CDH4: variants seen among roughly 807,000 people sequenced by gnomAD.
The protein encoded by CDH4 is cadherin-4.
CDH4 carries 33 observed loss-of-function variants against 86.0 expected under a neutral mutation model. The ratio of observed to expected loss-of-function variants is 0.38; its 90% confidence interval spans 0.29 to 0.51. The LOEUF is 0.51. CDH4 is among the 20% of genes least tolerant of loss of function. The pLI, the probability that CDH4 is intolerant of heterozygous loss-of-function variation, is 0.86. For missense variants in CDH4, 1,114 were observed against 1,307.4 expected, an observed-to-expected ratio of 0.85 and a Z score of 2.28; for synonymous variants, 555 against 549.4, an observed-to-expected ratio of 1.01 and a Z score of -0.14.
In CDH4 at chr20:61,620,503, A is replaced by T. The variant is rs926730387; in HGVS notation, c.170-123060A>T. ...TAGATGGATGATGGATGGATGATAG[A>T]TGATAGATTCGTACATACATACATA... is the stretch of plus-strand genomic sequence containing the variant. On this transcript the variant is annotated intron_variant, in intron 2 of 15. Coordinates refer to ENST00000614565, the MANE Select transcript of CDH4 (RefSeq NM_001794.5). Among the ~76,000 whole-genome samples, 4 of 152,120 alleles carry T rather than the reference A, an allele frequency of 2.6e-5. No individual in the cohort carries two copies. In the East Asian group the frequency reaches 7.7e-4, roughly 29 times the overall value.
rs2085824866 is a variant in CDH4 at position 61,516,808 on chromosome 20, C to T, written c.170-226755C>T. 6.6e-6 allele frequency among the ~76,000 whole-genome samples: 1 copy of T among 152,212 alleles called. No individual in the cohort carries two copies. Among genetic ancestry groups the T allele is most frequent in the Non-Finnish European group, 1.5e-5 (1 of 68,040 alleles). ...GTTTGGCGATCACACTTGCTTTCTT[C>T]TTGGGAACCTGGGCTCGCTGTCCAC... On this transcript the variant is annotated intron_variant, in intron 2 of 15. Transcript: ENST00000614565. The surrounding 1 kb of genome is among the most constrained non-coding windows in gnomAD (Gnocchi z 4.0).
chr20:61,424,243 T>C lies in CDH4; in HGVS notation c.169+169306T>C, dbSNP rs868297046. Among the ~76,000 whole-genome samples the C allele has an allele frequency of 7.9e-5, 11 of 139,944 alleles. No homozygotes were observed. The South Asian group carries it at 1.1e-3, about 14-fold the overall frequency. The allele number at this position is 139,944 out of a possible 152,430, so 91.8% of individuals were successfully genotyped here. The stretch of plus-strand genomic sequence containing the variant: ...ACATGTATATACACATATCCACATG[T>C]ATCCACACACATATATCCACACACA... On this transcript the variant is annotated intron_variant, in intron 2 of 15. Coordinates refer to ENST00000614565, the MANE Select transcript of CDH4 (RefSeq NM_001794.5).
At chr20:61,656,949 C>T (rs2087198860) in intron 2 of CDH4, among the ~76,000 whole-genome samples, 1 of 152,168 alleles carries the variant, frequency 6.6e-6, no homozygotes. Flanking sequence ...CCAGAAACGC[C>T]CACCTGGGAT....
chr20:61,419,568 C>T lies in CDH4; in HGVS notation c.169+164631C>T, dbSNP rs59580760. On this transcript the variant is annotated intron_variant, in intron 2 of 15. Coordinates refer to ENST00000614565, the MANE Select transcript of CDH4 (RefSeq NM_001794.5). ...CGTTTGGCTTCCAGGCCAGCCACAG[C>T]GGAGTTTCCACCAGGAAGGTTCTGG... Among the ~76,000 whole-genome samples the T allele has an allele frequency of 7.4e-3, 1,123 of 152,256 alleles. 13 individuals are homozygous for T. The highest frequency in any genetic ancestry group is 0.026 in the African/African-American group (1,068 of 41,530).
intron 4 of CDH4, among the ~76,000 whole-genome samples, chr20:61,813,973 C>T (rs543185505): frequency 4.1e-4 from 63 of 152,332 alleles, no homozygotes; most frequent in African/African-American, 1.4e-3. Context: ...GGAGTCCATA[C>T]GTGTCTGGTG....
intron 2 of CDH4, among the ~76,000 whole-genome samples, chr20:61,287,762 C>A (rs1223947388): frequency 6.6e-6 from 1 of 152,156 alleles, no homozygotes; most frequent in African/African-American, 2.4e-5. Flanking sequence ...GCCAGCCACT[C>A]CCCCTAAGTG....
chr20:61,263,225 G>T (rs2123124156), intron 2 of CDH4, among the ~76,000 whole-genome samples: 1 of 152,252 alleles, frequency 6.6e-6, no homozygotes, highest in South Asian at 2.1e-4. Context: ...AAAATCCTTG[G>T]TTTTTCGTCA....
At chr20:61,431,445 G>A (rs1488034636) in intron 2 of CDH4, among the ~76,000 whole-genome samples, 1 of 145,750 alleles carries the variant, frequency 6.9e-6, no homozygotes, top group African/African-American at 2.6e-5. Flanking sequence ...CTGCAGCCTC[G>A]ACCTCCCAGT....
chr20:61,701,483 G>A (rs988771940), intron 2 of CDH4, among the ~76,000 whole-genome samples: 5 of 152,254 alleles, frequency 3.3e-5, no homozygotes, highest in African/African-American at 1.2e-4. Context: ...AGGTTTGGGT[G>A]CAGCTGGCAG....
At chr20:61,861,757 G>A (rs1983337080) in intron 6 of CDH4, among the ~76,000 whole-genome samples, 1 of 152,292 alleles carries the variant, frequency 6.6e-6, no homozygotes, top group East Asian at 1.9e-4. Flanking sequence ...ACACCATCAG[G>A]CAGGAGGGAG....
chr20:61,719,833 G>GTT (rs1487116360), intron 2 of CDH4: 1 of 152,356 alleles, frequency 6.6e-6, no homozygotes, highest in Admixed American at 6.5e-5. Flanking sequence ...GCTTGTAATT[G>GTT]TTTTTTAAAT....
At position 61,745,366 on chromosome 20, in the gene CDH4, GTCT is replaced by G. The variant is rs568719999; in HGVS notation, c.396+1584_396+1586del. On this transcript the variant is annotated intron_variant, in intron 3 of 15. Coordinates refer to ENST00000614565, the MANE Select transcript of CDH4 (RefSeq NM_001794.5). The stretch of plus-strand genomic sequence containing the variant: ...CCACTTTGGGAAGGGAGGGACCTGT[GTCT>G]TCTTCTGACTTGTTTCTCAGATGGA... Among the ~76,000 whole-genome samples the G allele has an allele frequency of 3.4e-3, 516 of 152,332 alleles. 5 individuals carry two copies. Among genetic ancestry groups the G allele is most frequent in the African/African-American group, 0.012 (495 of 41,578 alleles).
intron 2 of CDH4, among the ~76,000 whole-genome samples, chr20:61,556,079 A>G (rs2086175453): frequency 6.6e-6 from 1 of 152,054 alleles, no homozygotes; most frequent in Non-Finnish European, 1.5e-5. Flanking sequence ...TGTGGGAGAC[A>G]CAGATGTTCT....
intron 2 of CDH4, among the ~76,000 whole-genome samples, chr20:61,651,851 G>A (rs2087124664): frequency 6.6e-6 from 1 of 152,208 alleles, no homozygotes; most frequent in Non-Finnish European, 1.5e-5. Context: ...CTGTCTTTGA[G>A]GCTGTGGGTG....
chr20:61,660,957 G>A (rs1280350691), intron 2 of CDH4, among the ~76,000 whole-genome samples: 1 of 152,058 alleles, frequency 6.6e-6, no homozygotes, highest in Non-Finnish European at 1.5e-5. Context: ...GCACTAATGA[G>A]TCCTCCATCC....
intron 2 of CDH4, among the ~76,000 whole-genome samples, chr20:61,656,134 G>A (rs991645769): frequency 7.2e-5 from 11 of 152,204 alleles, no homozygotes; most frequent in African/African-American, 1.7e-4. Context: ...ACCACCCACC[G>A]TGCTCTCTGA....
intron 1 of CDH4, among the ~76,000 whole-genome samples, chr20:61,254,502 C>T (rs917552298): frequency 3.3e-5 from 5 of 152,234 alleles, no homozygotes; most frequent in African/African-American, 1.2e-4. Context: ...AGTCTTCTGT[C>T]TCTGCCTTTT....
At chr20:61,934,717 G>GCCCCCCCCCCCCCCCCC (rs200122965) in intron 15 of CDH4, among the ~76,000 whole-genome samples, 2 of 148,680 alleles carry the variant, frequency 1.3e-5, no homozygotes, top group Admixed American at 6.7e-5. Flanking sequence ...AGGCCAACTT[G>GCCCCCCCCCCCCCCCCC]CCCCCCCTCC....
chr20:61,882,444 C>T (rs984357391), intron 7 of CDH4, among the ~76,000 whole-genome samples: 50 of 152,306 alleles, frequency 3.3e-4, no homozygotes, highest in African/African-American at 1.1e-3. Context: ...AACATCGAAA[C>T]GAGAGATTTC....
Sources: gnomAD v4.1 joint callset for allele counts (sites outside exome capture counted in the v4.1 genomes callset) on GRCh38, gnomAD v4.1.1 for gene constraint, Gnocchi (gnomAD v3.1) non-coding constraint, MANE v1.5 for transcripts, NCBI Gene and HGNC (gene_info 2026-07-23, HGNC 2026-07-21) for gene names.